Variants in AFG2A observed in about 807,000 individuals in gnomAD.
AFG2A encodes AAA ATPase AFG2A, also known as ATPase family gene 2 protein homolog A.
chr4:123,279,070 T>C, the AFG2A span, among the ~76,000 whole-genome samples: 1 of 152,182 alleles, frequency 6.6e-6, no homozygotes, highest in African/African-American at 2.4e-5. Flanking sequence ...ATCTGAAATG[T>C]TTTAATTTTT....
the AFG2A span, among the ~76,000 whole-genome samples, chr4:123,229,336 A>G: frequency 1.4e-4 from 22 of 152,010 alleles, no homozygotes; most frequent in Admixed American, 7.9e-4. Context: ...ATTATATTCA[A>G]AGGGCTGCAC....
the AFG2A span, among the ~76,000 whole-genome samples, chr4:122,952,673 G>A: frequency 2.6e-5 from 4 of 152,152 alleles, no homozygotes; most frequent in African/African-American, 9.7e-5. Flanking sequence ...TCAGAAGTTA[G>A]CACGATATCA....
the AFG2A span, among the ~76,000 whole-genome samples, chr4:123,007,103 A>G: frequency 6.6e-6 from 1 of 151,980 alleles, no homozygotes; most frequent in Admixed American, 6.6e-5. Flanking sequence ...GTATTTATAA[A>G]AATATTTTTG....
chr4:122,923,349 C>G, the AFG2A span: 1 of 1,610,064 alleles, frequency 6.2e-7, no homozygotes, highest in Non-Finnish European at 8.5e-7. Flanking sequence ...GGGGGCGCAA[C>G]CTGAGGGGCG....
chr4:123,236,369 A>G, the AFG2A span, among the ~76,000 whole-genome samples: 1 of 152,206 alleles, frequency 6.6e-6, no homozygotes, highest in Non-Finnish European at 1.5e-5. Context: ...TCATTGGTGC[A>G]ATTCTTAATT....
chr4:123,089,695 A>C, the AFG2A span, among the ~76,000 whole-genome samples: 3 of 151,732 alleles, frequency 2.0e-5, no homozygotes, highest in African/African-American at 7.3e-5. Flanking sequence ...AGGTATTCTC[A>C]TGCTGCGGCC....
chr4:123,280,459 T>C, the AFG2A span, among the ~76,000 whole-genome samples: 2 of 152,224 alleles, frequency 1.3e-5, no homozygotes, highest in Admixed American at 6.5e-5. Context: ...TATTATCTTA[T>C]AGTTCTGGAA....
At chr4:123,220,613 CAAA>C in the AFG2A span, among the ~76,000 whole-genome samples, 11 of 41,756 alleles carry the variant, frequency 2.6e-4, no homozygotes, top group Admixed American at 1.2e-3. Flanking sequence ...GACTCCAACT[CAAA>C]AAAAAAAAAA....
the AFG2A span, among the ~76,000 whole-genome samples, chr4:123,186,994 T>C: frequency 1.3e-5 from 2 of 152,018 alleles, no homozygotes; most frequent in Non-Finnish European, 1.5e-5. Flanking sequence ...TAGACATTGC[T>C]TTATGAGGAA....
the AFG2A span, among the ~76,000 whole-genome samples, chr4:123,210,479 TGTCCTCCAGG>T: frequency 6.6e-6 from 1 of 152,212 alleles, no homozygotes; most frequent in Non-Finnish European, 1.5e-5. Context: ...CTTTATGTGA[TGTCCTCCAGG>T]GTCATCCATG....
the AFG2A span, among the ~76,000 whole-genome samples, chr4:122,949,584 A>G: frequency 2.6e-5 from 4 of 152,136 alleles, no homozygotes; most frequent in African/African-American, 4.8e-5. Flanking sequence ...CACACCATCT[A>G]TGGGCAAAAG....
At chr4:123,033,408 A>G in the AFG2A span, among the ~76,000 whole-genome samples, 1 of 152,160 alleles carries the variant, frequency 6.6e-6, no homozygotes. Context: ...ACACAAAGTT[A>G]CCAGGGAAGA....
the AFG2A span, among the ~76,000 whole-genome samples, chr4:123,246,112 T>G: frequency 6.6e-6 from 1 of 152,264 alleles, no homozygotes; most frequent in African/African-American, 2.4e-5. Context: ...GCAGATATTG[T>G]TCTCTTTGCA....
chr4:123,156,352 G>A, the AFG2A span, among the ~76,000 whole-genome samples: 2 of 152,068 alleles, frequency 1.3e-5, no homozygotes, highest in Admixed American at 6.6e-5. Flanking sequence ...TTCACATTAC[G>A]TACGTAACCC....
chr4:123,075,091 A>G, the AFG2A span, among the ~76,000 whole-genome samples: 1 of 149,340 alleles, frequency 6.7e-6, no homozygotes, highest in Non-Finnish European at 1.5e-5. Flanking sequence ...TTACAGGTGC[A>G]TGCCACCATG....
At chr4:123,037,945 A>G in the AFG2A span, among the ~76,000 whole-genome samples, 3 of 152,022 alleles carry the variant, frequency 2.0e-5, no homozygotes, top group African/African-American at 4.8e-5. Flanking sequence ...AACTAGCTCT[A>G]GGACTTTTGG....
At chr4:123,104,010 A>C in the AFG2A span, among the ~76,000 whole-genome samples, 44 of 152,192 alleles carry the variant, frequency 2.9e-4, no homozygotes, top group African/African-American at 1.0e-3. Context: ...AATGATGTAG[A>C]TATTCTATAT....
the AFG2A span, among the ~76,000 whole-genome samples, chr4:123,075,988 C>CAAAAAAAAAAAAAAAAAAACA: frequency 7.5e-6 from 1 of 134,068 alleles, no homozygotes. Flanking sequence ...AAAAAAAAAA[C>CAAAAAAAAAAAAAAAAAAACA]AAAAAAAAAA....
chr4:122,954,574 G>A, the AFG2A span, among the ~76,000 whole-genome samples: 1 of 152,182 alleles, frequency 6.6e-6, no homozygotes, highest in Non-Finnish European at 1.5e-5. Flanking sequence ...GGGAGCTGGC[G>A]ACCCTTCAAA....
Sources: allele counts gnomAD v4.1 joint callset (sites outside exome capture counted in the v4.1 genomes callset), GRCh38; gene constraint gnomAD v4.1.1; transcripts MANE v1.5; gene names NCBI Gene and HGNC (gene_info 2026-07-23, HGNC 2026-07-21).